NRXN3: variants seen among roughly 807,000 people sequenced by gnomAD.
NRXN3 encodes the protein neurexin III.
Under a neutral mutation model 137.6 loss-of-function variants are expected in NRXN3, and 32 were observed. The observed-to-expected ratio is 0.23, with a 90% confidence interval of 0.18 to 0.31. The LOEUF (loss-of-function observed/expected upper bound fraction) is 0.31, where lower values mean the gene tolerates loss of function less well. Ranked by LOEUF, NRXN3 falls within the 10% of genes least tolerant of loss-of-function variation. NRXN3 has a pLI of 1.00. For synonymous variants in NRXN3, 798 were observed against 784.5 expected (o/e 1.02, Z -0.29); for missense variants, 1,574 against 2,062.5 (o/e 0.76, Z 4.59).
At chr14:79,736,731 G>C (rs2098943295) in intron 19 of NRXN3, among the ~76,000 whole-genome samples, 1 of 152,180 alleles carries the variant, frequency 6.6e-6, no homozygotes, top group Non-Finnish European at 1.5e-5. Context: ...GATGTCGAGT[G>C]AATGAGAAAC....
At chr14:79,338,016 A>G (rs2092374125) in intron 15 of NRXN3, among the ~76,000 whole-genome samples, 2 of 152,064 alleles carry the variant, frequency 1.3e-5, no homozygotes, top group East Asian at 1.9e-4. Flanking sequence ...TGGGGAATGT[A>G]AAGTACAGAA....
intron 10 of NRXN3, among the ~76,000 whole-genome samples, chr14:78,940,000 T>G (rs1385904562): frequency 6.6e-6 from 1 of 152,224 alleles, no homozygotes; most frequent in African/African-American, 2.4e-5. Flanking sequence ...GCAGCCTGTT[T>G]AAGATATTTT....
intron 15 of NRXN3, among the ~76,000 whole-genome samples, chr14:79,070,018 T>G (rs1419935337): frequency 2.6e-5 from 4 of 152,178 alleles, no homozygotes; most frequent in Admixed American, 2.6e-4. Context: ...CTCTACCTGT[T>G]TTCTTTGTTA....
At chr14:79,757,713 G>C (rs2099024505) in intron 19 of NRXN3, among the ~76,000 whole-genome samples, 1 of 152,152 alleles carries the variant, frequency 6.6e-6, no homozygotes, top group Non-Finnish European at 1.5e-5. Flanking sequence ...CTAAGCTGTA[G>C]TATGACCTTG....
At chr14:79,722,032 T>C (rs1568009651) in intron 19 of NRXN3, among the ~76,000 whole-genome samples, 2 of 152,246 alleles carry the variant, frequency 1.3e-5, no homozygotes, top group East Asian at 3.9e-4. Flanking sequence ...TCTGCTGTTT[T>C]ATTGTTCTAT....
chr14:79,771,402 C>T, intron 19 of NRXN3, among the ~76,000 whole-genome samples: 1 of 152,120 alleles, frequency 6.6e-6, no homozygotes, highest in Non-Finnish European at 1.5e-5. Flanking sequence ...CCGACTCCAG[C>T]AGCACATCAA....
rs901246834 is a variant in NRXN3 at position 78,699,132 on chromosome 14, G to A, written c.1222-10085G>A. Among the ~76,000 whole-genome samples the A allele has an allele frequency of 4.8e-4, 73 of 152,060 alleles. 2 individuals carry two copies. Among genetic ancestry groups the A allele is most frequent in the African/African-American group, 1.7e-3 (72 of 41,384 alleles). On this transcript the variant is annotated intron_variant, in intron 6 of 20. Transcript: ENST00000335750. ...AAGAAACAGACAATTCCAGCACAAT[G>A]TGATAGATACAATGATAGCAGTTAG...
At chr14:78,613,837 C>G (rs1272241192) in intron 4 of NRXN3, among the ~76,000 whole-genome samples, 3 of 152,024 alleles carry the variant, frequency 2.0e-5, no homozygotes, top group East Asian at 3.9e-4. Context: ...AAGCAACAAC[C>G]TCAAGAGAAC....
At chr14:79,683,925 T>G (rs892690482) in intron 17 of NRXN3, among the ~76,000 whole-genome samples, 1 of 152,166 alleles carries the variant, frequency 6.6e-6, no homozygotes, top group African/African-American at 2.4e-5. Context: ...TCTACCGTGT[T>G]TTACTCTGTA....
At chr14:79,612,934 T>A (rs2098119655) in intron 16 of NRXN3, among the ~76,000 whole-genome samples, 1 of 152,224 alleles carries the variant, frequency 6.6e-6, no homozygotes, top group African/African-American at 2.4e-5. Flanking sequence ...CTTAGTTTTT[T>A]AAGAAAGAAA....
At chr14:79,021,750 G>A (rs778362121) in intron 15 of NRXN3, among the ~76,000 whole-genome samples, 5 of 152,184 alleles carry the variant, frequency 3.3e-5, no homozygotes, top group Non-Finnish European at 5.9e-5. Flanking sequence ...AACACCGGAA[G>A]CATCACACAA....
chr14:79,257,660 C>G (rs2076978256), intron 15 of NRXN3, among the ~76,000 whole-genome samples: 1 of 147,062 alleles, frequency 6.8e-6, no homozygotes, highest in Non-Finnish European at 1.5e-5. Flanking sequence ...AAACTTTTAT[C>G]AGCAAGAAAG....
At chr14:79,460,823 A>G (rs530685951) in intron 15 of NRXN3, among the ~76,000 whole-genome samples, 1 of 152,338 alleles carries the variant, frequency 6.6e-6, no homozygotes, top group South Asian at 2.1e-4. Flanking sequence ...TTCTCAGCTT[A>G]CTGAGCAGCA....
intron 1 of NRXN3, among the ~76,000 whole-genome samples, chr14:78,185,671 C>T (rs558848317): frequency 2.0e-5 from 3 of 152,296 alleles, no homozygotes; most frequent in Admixed American, 6.5e-5. Flanking sequence ...TAATCTCAGC[C>T]TAGGCTGGCT....
At chr14:78,836,930 T>C (rs1376711241) in intron 10 of NRXN3, among the ~76,000 whole-genome samples, 1 of 152,154 alleles carries the variant, frequency 6.6e-6, no homozygotes, top group Non-Finnish European at 1.5e-5. Flanking sequence ...TTCTATTCTA[T>C]TGAGCCTTAG....
At chr14:78,266,714 G>A (rs1403992644) in intron 2 of NRXN3, among the ~76,000 whole-genome samples, 1 of 152,110 alleles carries the variant, frequency 6.6e-6, no homozygotes, top group Non-Finnish European at 1.5e-5. Flanking sequence ...CTCATTAGTA[G>A]GCAATATGCA....
At chr14:79,285,459 A>G (rs191459042) in intron 15 of NRXN3, among the ~76,000 whole-genome samples, 2 of 152,320 alleles carry the variant, frequency 1.3e-5, no homozygotes, top group Admixed American at 6.5e-5. Flanking sequence ...GTAAAGTACT[A>G]TAGACTGGGT....
intron 4 of NRXN3, among the ~76,000 whole-genome samples, chr14:78,317,699 C>G (rs1351090797): frequency 6.6e-6 from 1 of 152,144 alleles, no homozygotes; most frequent in African/African-American, 2.4e-5. Context: ...AAATACCTTC[C>G]CAGACACACT....
chr14:79,013,689 CTT>C (rs1445326530), intron 15 of NRXN3, among the ~76,000 whole-genome samples: 1 of 152,158 alleles, frequency 6.6e-6, no homozygotes, highest in Admixed American at 6.5e-5. Context: ...GAAATCAACA[CTT>C]TGTTAATCAC....
Sources: gnomAD v4.1 joint callset for allele counts (sites outside exome capture counted in the v4.1 genomes callset) on GRCh38, gnomAD v4.1.1 for gene constraint, MANE v1.5 for transcripts, NCBI Gene and HGNC (gene_info 2026-07-23, HGNC 2026-07-21) for gene names.